Variants in GALNTL6 observed in about 807,000 individuals in gnomAD.
GALNTL6 encodes polypeptide N-acetylgalactosaminyltransferase like 6.
Under a neutral mutation model 73.7 loss-of-function variants are expected in GALNTL6, and 46 were observed. The ratio of observed to expected loss-of-function variants is 0.62; its 90% CI spans 0.49 to 0.80. GALNTL6 has a LOEUF of 0.80. GALNTL6 is among the 30% of genes least tolerant of loss of function. GALNTL6 has a pLI of 0.00. For missense variants in GALNTL6, 604 were observed against 755.0 expected, an observed-to-expected ratio of 0.80 and a Z score of 2.34; for synonymous variants, 259 against 263.7, an observed-to-expected ratio of 0.98 and a Z score of 0.17.
At chr4:172,480,917 A>G (rs1386199321) in intron 5 of GALNTL6, among the ~76,000 whole-genome samples, 3 of 152,182 alleles carry the variant, frequency 2.0e-5, no homozygotes, top group Non-Finnish European at 1.5e-5. Context: ...AAAGCACACA[A>G]TGCCCCTTGG....
rs111384161 is a variant in GALNTL6, at chr4:171,884,935, T to A, written c.138+70217T>A. On this transcript the variant is annotated intron_variant, in intron 2 of 12. Transcript: ENST00000506823. ...AGCTGAGTGTGGTGGTGGGTGTCTG[T>A]AATCCCAGCTACTCGGAAGGCTGAG... Among the ~76,000 whole-genome samples the A allele has an allele frequency of 8.0e-3, 1,214 of 152,000 alleles. 13 individuals carry two copies. Among genetic ancestry groups the A allele is most frequent in the African/African-American group, 0.023 (946 of 41,456 alleles).
chr4:172,332,422 T>C (rs955585389), intron 4 of GALNTL6, among the ~76,000 whole-genome samples: 1 of 152,092 alleles, frequency 6.6e-6, no homozygotes, highest in Non-Finnish European at 1.5e-5. Flanking sequence ...GTTTTTATCT[T>C]TTAACCCAGT....
intron 2 of GALNTL6, among the ~76,000 whole-genome samples, chr4:172,083,301 T>G (rs911530639): frequency 1.2e-4 from 18 of 152,306 alleles, no homozygotes; most frequent in African/African-American, 4.1e-4. Context: ...AGACTGATCC[T>G]TTTTATACAT....
chr4:172,809,227 C>A lies in GALNTL6; in HGVS notation c.554-134C>A. On this transcript the variant is annotated intron_variant, in intron 5 of 12. Coordinates refer to ENST00000506823, the MANE Select transcript of GALNTL6 (RefSeq NM_001034845.3). This position sits in a 1 kb window ranked among gnomAD's most constrained non-coding sequence, Gnocchi z 4.4. Reference sequence around the variant, plus strand: ...ATCTAAAAATCTTACTAGTATCTCCCATCTAGATGAGGAGACAAGAATGTT... The same window carrying A: ...ATCTAAAAATCTTACTAGTATCTCCAATCTAGATGAGGAGACAAGAATGTT... The A allele has an allele frequency of 1.5e-6, 1 of 671,258 alleles. No individual in the cohort carries two copies. Among genetic ancestry groups the A allele is most frequent in the Non-Finnish European group, 2.6e-6 (1 of 388,086 alleles). The allele number at this position is 671,258 out of a possible 1,614,324, so 41.6% of individuals were successfully genotyped here. A position where few individuals can be genotyped will look rare whatever the true frequency, so the allele number is the denominator to read the frequency against.
At chr4:172,981,820 T>TC (rs1751076447) in intron 10 of GALNTL6, among the ~76,000 whole-genome samples, 1 of 130,658 alleles carries the variant, frequency 7.7e-6, no homozygotes, top group Non-Finnish European at 1.7e-5. Flanking sequence ...TTTTTTTTTT[T>TC]AGATGGAGTT....
chr4:172,816,234 G>A (rs566083992), intron 7 of GALNTL6, among the ~76,000 whole-genome samples: 3 of 152,298 alleles, frequency 2.0e-5, no homozygotes, highest in South Asian at 4.1e-4. Context: ...TCAAACCCCA[G>A]TATTTTTCAT....
At chr4:172,142,166 A>T (rs1251557432) in intron 2 of GALNTL6, among the ~76,000 whole-genome samples, 1 of 152,054 alleles carries the variant, frequency 6.6e-6, no homozygotes, top group Admixed American at 6.6e-5. Flanking sequence ...ATTTATCTAC[A>T]TGGCTTATAA....
chr4:172,385,221 CAT>C (rs1023839701), intron 5 of GALNTL6, among the ~76,000 whole-genome samples: 12 of 151,838 alleles, frequency 7.9e-5, no homozygotes, highest in Non-Finnish European at 1.6e-4. Context: ...TCAAGGAACT[CAT>C]GAGTACCTGA....
chr4:172,691,308 G>T (rs565734508), intron 5 of GALNTL6, among the ~76,000 whole-genome samples: 2 of 152,154 alleles, frequency 1.3e-5, no homozygotes, highest in Non-Finnish European at 2.9e-5. Flanking sequence ...GATAAATAAG[G>T]TTGAGAAAAC....
intron 2 of GALNTL6, among the ~76,000 whole-genome samples, chr4:171,947,748 G>A (rs754664823): frequency 3.3e-5 from 5 of 152,080 alleles, no homozygotes; most frequent in African/African-American, 1.2e-4. Flanking sequence ...AGGAAAAAAT[G>A]TATTATTCAA....
chr4:172,356,663 A>T (rs1038509600), intron 5 of GALNTL6, among the ~76,000 whole-genome samples: 2 of 152,214 alleles, frequency 1.3e-5, no homozygotes, highest in African/African-American at 4.8e-5. Context: ...CAACTGAGGA[A>T]TAAATTCATA....
chr4:172,400,662 G>A (rs913016076), intron 5 of GALNTL6, among the ~76,000 whole-genome samples: 9 of 152,108 alleles, frequency 5.9e-5, no homozygotes, highest in Non-Finnish European at 1.2e-4. Flanking sequence ...GAGAAGTGAA[G>A]TCATGGAGAT....
intron 2 of GALNTL6, among the ~76,000 whole-genome samples, chr4:171,841,265 G>T (rs772886160): frequency 6.6e-6 from 1 of 152,104 alleles, no homozygotes; most frequent in Non-Finnish European, 1.5e-5. Flanking sequence ...TTAATTAATG[G>T]TGGATAAAGT....
chr4:172,714,306 A>AAC (rs3084330), intron 5 of GALNTL6, among the ~76,000 whole-genome samples: 201 of 149,264 alleles, frequency 1.3e-3, no homozygotes, highest in Admixed American at 5.6e-3. Flanking sequence ...TTTCACACCA[A>AAC]ACACACACAC....
chr4:172,351,216 T>TATC lies in GALNTL6; in HGVS notation c.553+2528_553+2530dup, dbSNP rs1380882378. Among the ~76,000 whole-genome samples the TATC allele has an allele frequency of 2.0e-5, 3 of 152,130 alleles. 1 individual carries two copies. Among genetic ancestry groups the TATC allele is most frequent in the South Asian group, 2.1e-4 (1 of 4,830 alleles). ...CTATCTATCTATCTATCTATCTATC[T>TATC]ATCTATCTATCTACCTCTTTACTGA... On this transcript the variant is annotated intron_variant, in intron 5 of 12. Coordinates refer to ENST00000506823, the MANE Select transcript of GALNTL6 (RefSeq NM_001034845.3).
chr4:172,459,634 T>C (rs1732536518), intron 5 of GALNTL6, among the ~76,000 whole-genome samples: 1 of 151,964 alleles, frequency 6.6e-6, no homozygotes, highest in Non-Finnish European at 1.5e-5. Context: ...GAGAATAAAA[T>C]ACCTAGGAAT....
intron 4 of GALNTL6, among the ~76,000 whole-genome samples, chr4:172,343,331 A>C (rs1287985253): frequency 1.3e-5 from 2 of 152,216 alleles, no homozygotes; most frequent in African/African-American, 2.4e-5. Flanking sequence ...GTAATGTTTA[A>C]GTGATGGTGA....
chr4:172,812,859 A>T (rs1337251755), intron 6 of GALNTL6, among the ~76,000 whole-genome samples: 1 of 152,240 alleles, frequency 6.6e-6, no homozygotes, highest in African/African-American at 2.4e-5. Flanking sequence ...ATCACTTTAT[A>T]GTTGTTCAAG....
intron 3 of GALNTL6, among the ~76,000 whole-genome samples, chr4:172,298,733 G>T (rs180670876): frequency 6.6e-6 from 1 of 152,162 alleles, no homozygotes; most frequent in African/African-American, 2.4e-5. Context: ...GATCATGGTG[G>T]ATAAGCTTTT....
Sources: gnomAD v4.1 joint callset for allele counts (sites outside exome capture counted in the v4.1 genomes callset) on GRCh38, gnomAD v4.1.1 for gene constraint, Gnocchi (gnomAD v3.1) non-coding constraint, MANE v1.5 for transcripts, NCBI Gene and HGNC (gene_info 2026-07-23, HGNC 2026-07-21) for gene names.